Variants in SEMA3A observed in about 807,000 individuals in gnomAD.
The protein encoded by SEMA3A is semaphorin-3A.
Under a neutral mutation model 97.9 loss-of-function variants are expected in SEMA3A, and 29 were observed. That is an observed-to-expected ratio of 0.30 (90% confidence interval 0.22 to 0.40). The LOEUF is 0.40. SEMA3A is among the 10% of genes least tolerant of loss of function. The pLI is 1.00. For missense variants in SEMA3A, 763 were observed against 951.3 expected (o/e 0.80, Z 2.60); for synonymous variants, 321 against 323.7 (o/e 0.99, Z 0.09).
intron 4 of SEMA3A, among the ~76,000 whole-genome samples, chr7:84,085,092 A>G (rs1458569249): frequency 1.3e-5 from 2 of 152,122 alleles, no homozygotes; most frequent in Admixed American, 6.6e-5. Context: ...CTTTATACAT[A>G]CATTTAGAAA....
chr7:84,102,020 T>A (rs1794972418), intron 4 of SEMA3A, among the ~76,000 whole-genome samples: 1 of 152,128 alleles, frequency 6.6e-6, no homozygotes. Context: ...TTTATTCCTT[T>A]TAATATAGCT....
At chr7:83,974,351 C>T (rs1789050610) in intron 15 of SEMA3A, among the ~76,000 whole-genome samples, 1 of 152,054 alleles carries the variant, frequency 6.6e-6, no homozygotes, top group Admixed American at 6.6e-5. Flanking sequence ...ATTTCTTCCA[C>T]CTTAATTCTG....
intron 2 of SEMA3A, among the ~76,000 whole-genome samples, chr7:84,313,482 C>A (rs957128905): frequency 6.8e-6 from 1 of 146,578 alleles, no homozygotes; most frequent in Admixed American, 6.9e-5. Context: ...TATTTTGGAA[C>A]CTTCCTAATG....
At chr7:84,203,906 G>C (rs1454757370) in intron 3 of SEMA3A, among the ~76,000 whole-genome samples, 3 of 151,932 alleles carry the variant, frequency 2.0e-5, no homozygotes, top group South Asian at 2.1e-4. Context: ...CATGGCATTA[G>C]AGAGAATTCT....
intron 2 of SEMA3A, among the ~76,000 whole-genome samples, chr7:84,133,582 T>A (rs1488854427): frequency 6.6e-6 from 1 of 152,088 alleles, no homozygotes; most frequent in Non-Finnish European, 1.5e-5. Context: ...TATTCCAAAA[T>A]GAAATTCTAC....
intron 1 of SEMA3A, among the ~76,000 whole-genome samples, chr7:84,470,545 T>A (rs1204899186): frequency 5.9e-5 from 9 of 152,188 alleles, no homozygotes; most frequent in African/African-American, 2.2e-4. Context: ...ACCTTTGCCG[T>A]GCCCTAGTGG....
At chr7:84,181,329 TATA>T (rs1797731546) in intron 1 of SEMA3A, among the ~76,000 whole-genome samples, 1 of 148,292 alleles carries the variant, frequency 6.7e-6, no homozygotes, top group South Asian at 2.1e-4. Flanking sequence ...AATATATATA[TATA>T]TATATATAAC....
chr7:84,200,557 G>A (rs977968004), intron 3 of SEMA3A, among the ~76,000 whole-genome samples: 10 of 152,070 alleles, frequency 6.6e-5, no homozygotes, highest in African/African-American at 1.7e-4. Context: ...GCTAAAATAC[G>A]GTTATAGAAA....
intron 1 of SEMA3A, among the ~76,000 whole-genome samples, chr7:84,377,304 C>T (rs1040628362): frequency 2.6e-5 from 4 of 152,052 alleles, no homozygotes; most frequent in African/African-American, 9.7e-5. Flanking sequence ...GCTCTTAGTG[C>T]CTTTGTTGAT....
chr7:84,480,793 A>G (rs1282634167), intron 1 of SEMA3A, among the ~76,000 whole-genome samples: 1 of 152,168 alleles, frequency 6.6e-6, no homozygotes, highest in African/African-American at 2.4e-5. Flanking sequence ...TACTGTGTCT[A>G]TGTTTAATCA....
chr7:84,208,011 CAT>C (rs1233215053), intron 3 of SEMA3A, among the ~76,000 whole-genome samples: 6 of 152,262 alleles, frequency 3.9e-5, no homozygotes, highest in Non-Finnish European at 5.9e-5. Context: ...TACCTACACA[CAT>C]ATGTATGCAT....
intron 3 of SEMA3A, among the ~76,000 whole-genome samples, chr7:84,204,603 A>T (rs1404106211): frequency 6.6e-6 from 1 of 152,194 alleles, no homozygotes; most frequent in African/African-American, 2.4e-5. Context: ...GGTACCACAA[A>T]GGCTAAATGA....
chr7:84,038,932 T>C (rs1044650254), intron 6 of SEMA3A, among the ~76,000 whole-genome samples: 7 of 152,162 alleles, frequency 4.6e-5, no homozygotes, highest in African/African-American at 1.7e-4. Context: ...CTAAAACTAC[T>C]ACTAGAAACA....
chr7:84,301,880 A>G (rs1801026937), intron 3 of SEMA3A, among the ~76,000 whole-genome samples: 1 of 152,156 alleles, frequency 6.6e-6, no homozygotes, highest in African/African-American at 2.4e-5. Context: ...TCATTTCTTC[A>G]AAGTTAAACA....
chr7:84,176,160 A>G (rs1444470935), intron 1 of SEMA3A, among the ~76,000 whole-genome samples: 1 of 152,196 alleles, frequency 6.6e-6, no homozygotes, highest in African/African-American at 2.4e-5. Context: ...TTTAGGATGC[A>G]GTTCTCCCAT....
Position 84,309,097 on chromosome 7 carries a change from C to A in SEMA3A, c.-168-1805G>T, listed in dbSNP as rs564428941. 2.0e-5 allele frequency among the ~76,000 whole-genome samples: 3 copies of A among 152,134 alleles called. No individual in the cohort carries two copies. In the East Asian group the frequency reaches 5.8e-4, roughly 30 times the overall value. ...CCTTCAAAAGTGCTGGGATTACAGG[C>A]GTGAGCTACCACGCCCGGCCAAAAT... On this transcript the variant is annotated intron_variant, in intron 2 of 3. Transcript: ENST00000424555.
chr7:84,445,355 G>C (rs772964353), intron 1 of SEMA3A, among the ~76,000 whole-genome samples: 1 of 151,334 alleles, frequency 6.6e-6, no homozygotes, highest in African/African-American at 2.4e-5. Context: ...TTAGCTGGGC[G>C]TGGTGGTGTG....
At chr7:84,139,349 T>C (rs959660192) in intron 1 of SEMA3A, among the ~76,000 whole-genome samples, 2 of 152,074 alleles carry the variant, frequency 1.3e-5, no homozygotes, top group South Asian at 2.1e-4. Flanking sequence ...AACTTCTACA[T>C]GCTGTGTCGA....
At chr7:84,042,863 C>A (rs1792197668) in intron 6 of SEMA3A, among the ~76,000 whole-genome samples, 1 of 151,972 alleles carries the variant, frequency 6.6e-6, no homozygotes, top group African/African-American at 2.4e-5. Context: ...TTAATATGGA[C>A]AATAACTAGG....
Sources: allele counts gnomAD v4.1 joint callset (sites outside exome capture counted in the v4.1 genomes callset), GRCh38; gene constraint gnomAD v4.1.1; transcripts MANE v1.5; gene names NCBI Gene and HGNC (gene_info 2026-07-23, HGNC 2026-07-21).